FARS2: variants seen among roughly 807,000 people sequenced by gnomAD.
The protein encoded by FARS2 is phenylalanyl-tRNA synthetase 2, mitochondrial, also known as phenylalanine--tRNA ligase, mitochondrial.
In FARS2, 40 loss-of-function variants were observed where a neutral mutation model predicts 46.4. The observed-to-expected ratio is 0.86, with a 90% confidence interval of 0.67 to 1.12. FARS2 has a LOEUF of 1.12. FARS2 is among the 50% of genes most tolerant of loss of function. FARS2 has a pLI of 0.00. For missense variants in FARS2, 513 were observed against 567.9 expected (o/e 0.90, Z 0.98); for synonymous variants, 234 against 214.9 (o/e 1.09, Z -0.78).
intron 6 of FARS2, among the ~76,000 whole-genome samples, chr6:5,647,290 T>C (rs1017119561): frequency 2.6e-5 from 4 of 152,194 alleles, no homozygotes; most frequent in Non-Finnish European, 5.9e-5. Context: ...GTTCCCTTAG[T>C]GTAGTTTGGC....
intron 1 of FARS2, among the ~76,000 whole-genome samples, chr6:5,345,639 T>C (rs984879234): frequency 6.6e-6 from 1 of 152,208 alleles, no homozygotes; most frequent in African/African-American, 2.4e-5. Context: ...GGTTAGTGTT[T>C]GAATTTGGTG....
intron 6 of FARS2, among the ~76,000 whole-genome samples, chr6:5,734,064 T>A (rs1227117345): frequency 6.6e-6 from 1 of 152,228 alleles, no homozygotes; most frequent in African/African-American, 2.4e-5. Context: ...GTGTAATAGC[T>A]AAGGGGTTTG....
At chr6:5,613,422 C>T (rs555783937) in intron 6 of FARS2, 102 bp downstream of exon 6, 3 of 921,238 alleles carry the variant, frequency 3.3e-6, no homozygotes, top group South Asian at 3.2e-5. Flanking sequence ...GTATCTGAGA[C>T]AAAATGTCTT....
chr6:5,286,769 TTTA>T (rs749017753), intron 1 of FARS2, among the ~76,000 whole-genome samples: 12 of 152,320 alleles, frequency 7.9e-5, no homozygotes, highest in East Asian at 1.9e-4. Context: ...TAATGTATAC[TTTA>T]TTATTATGTA....
intron 1 of FARS2, among the ~76,000 whole-genome samples, chr6:5,303,472 G>A (rs1768467798): frequency 6.6e-6 from 1 of 152,056 alleles, no homozygotes; most frequent in African/African-American, 2.4e-5. Context: ...TGTTAGGGCT[G>A]AGCGCACACC....
intron 1 of FARS2, among the ~76,000 whole-genome samples, chr6:5,345,515 G>C (rs1014069349): frequency 6.6e-6 from 1 of 152,164 alleles, no homozygotes; most frequent in Non-Finnish European, 1.5e-5. Context: ...TCTCCTTTAC[G>C]GGGCACTTTA....
chr6:5,636,384 C>T (rs972374122), intron 6 of FARS2, among the ~76,000 whole-genome samples: 3 of 152,204 alleles, frequency 2.0e-5, no homozygotes, highest in Non-Finnish European at 2.9e-5. Context: ...AACTGCTTCT[C>T]CCTCCCAATC....
intron 4 of FARS2, among the ~76,000 whole-genome samples, chr6:5,489,471 A>G (rs1304295562): frequency 6.6e-6 from 1 of 152,168 alleles, no homozygotes; most frequent in African/African-American, 2.4e-5. Context: ...AAAATAAAAT[A>G]AGACAATCAT....
chr6:5,560,728 TA>T (rs1328496146), intron 5 of FARS2, among the ~76,000 whole-genome samples: 1 of 152,202 alleles, frequency 6.6e-6, no homozygotes, highest in Non-Finnish European at 1.5e-5. Flanking sequence ...AAATTACAAT[TA>T]AATTTTTAAA....
At chr6:5,281,869 A>T (rs1371283408) in intron 1 of FARS2, among the ~76,000 whole-genome samples, 2 of 152,104 alleles carry the variant, frequency 1.3e-5, no homozygotes, top group African/African-American at 4.8e-5. Context: ...GCCATCACTA[A>T]CCTTATGTGT....
At position 5,764,310 on chromosome 6, in the gene FARS2, A is replaced by G. The variant is rs1321952878; in HGVS notation, c.1218-6981A>G. Among the ~76,000 whole-genome samples the G allele has an allele frequency of 6.6e-6, 1 of 152,052 alleles. No individual in the cohort carries two copies. Among genetic ancestry groups the G allele is most frequent in the Non-Finnish European group, 1.5e-5 (1 of 67,988 alleles). ...TCTGGTTCTCCACTCCACCATGCCC[A>G]TTCACTTCTATATTTTCAGGAGAGG... On this transcript the variant is annotated intron_variant, in intron 6 of 6. Transcript: ENST00000274680. This position sits in a 1 kb window ranked among gnomAD's most constrained non-coding sequence, Gnocchi z 4.1.
At chr6:5,318,168 G>A (rs970882188) in intron 1 of FARS2, among the ~76,000 whole-genome samples, 1 of 152,006 alleles carries the variant, frequency 6.6e-6, no homozygotes, top group Non-Finnish European at 1.5e-5. Context: ...AGACCAGCCT[G>A]GCCAATATGG....
Position 5,332,615 on chromosome 6 carries a change from GCTAA to G in FARS2, c.-21-35932_-21-35929del, listed in dbSNP as rs371903679. Among the ~76,000 whole-genome samples, 9 of 152,264 alleles carry G rather than the reference GCTAA, an allele frequency of 5.9e-5. No individual in the cohort carries two copies. In the East Asian group the frequency reaches 1.7e-3, roughly 29 times the overall value. On this transcript the variant is annotated intron_variant, in intron 1 of 6. Coordinates refer to ENST00000274680, the MANE Select transcript of FARS2 (RefSeq NM_006567.5). ...CATCACTTGTTTTATTTAAAATCAC[GCTAA>G]CTCAGAGAACCTTACTGTTAATACA...
chr6:5,641,494 G>C (rs982764708), intron 6 of FARS2, among the ~76,000 whole-genome samples: 1 of 151,976 alleles, frequency 6.6e-6, no homozygotes, highest in Non-Finnish European at 1.5e-5. Flanking sequence ...ACAGGGTTTT[G>C]CCATGTTGGC....
At chr6:5,310,804 A>G (rs1268607572) in intron 1 of FARS2, among the ~76,000 whole-genome samples, 1 of 152,250 alleles carries the variant, frequency 6.6e-6, no homozygotes, top group Non-Finnish European at 1.5e-5. Flanking sequence ...CAAAAAATCT[A>G]TTTCACTGCT....
At chr6:5,676,814 C>T (rs969534357) in intron 6 of FARS2, among the ~76,000 whole-genome samples, 3 of 152,214 alleles carry the variant, frequency 2.0e-5, no homozygotes, top group African/African-American at 7.2e-5. Flanking sequence ...GCGAGATTCC[C>T]TCTCTCATTC....
intron 6 of FARS2, among the ~76,000 whole-genome samples, chr6:5,740,412 G>A (rs1273404111): frequency 4.6e-5 from 7 of 152,026 alleles, no homozygotes. Context: ...TTACCAATGA[G>A]GTAAGTAAAT....
At chr6:5,585,063 A>G (rs1305817653) in intron 5 of FARS2, among the ~76,000 whole-genome samples, 2 of 152,162 alleles carry the variant, frequency 1.3e-5, no homozygotes, top group Non-Finnish European at 2.9e-5. Flanking sequence ...TTTAAGATTC[A>G]TATATATAAG....
At chr6:5,770,943 G>A (rs1002073648) in intron 6 of FARS2, among the ~76,000 whole-genome samples, 2 of 152,052 alleles carry the variant, frequency 1.3e-5, no homozygotes, top group East Asian at 1.9e-4. Context: ...TTAGAATCAC[G>A]TCGGGAACCG....
Sources: allele counts gnomAD v4.1 joint callset (sites outside exome capture counted in the v4.1 genomes callset), GRCh38; gene constraint gnomAD v4.1.1; non-coding constraint Gnocchi (gnomAD v3.1); transcripts MANE v1.5; gene names NCBI Gene and HGNC (gene_info 2026-07-23, HGNC 2026-07-21).